WDR70: variants seen among roughly 807,000 people sequenced by gnomAD.
WDR70 encodes WD repeat domain 70.
In WDR70, 53 loss-of-function variants were observed where a neutral mutation model predicts 88.6. The observed-to-expected ratio is 0.60, with a 90% CI of 0.48 to 0.75. The LOEUF (loss-of-function observed/expected upper bound fraction) is 0.75, where lower values mean the gene tolerates loss of function less well. Ranked by LOEUF, WDR70 falls within the 30% of genes least tolerant of loss-of-function variation. The pLI is 0.00. For synonymous variants in WDR70, 280 were observed against 270.0 expected (o/e 1.04, Z -0.36); for missense variants, 610 against 823.2 (o/e 0.74, Z 3.17).
intron 9 of WDR70, among the ~76,000 whole-genome samples, chr5:37,542,523 C>T (rs370276518): frequency 7.9e-5 from 12 of 152,132 alleles, no homozygotes; most frequent in East Asian, 5.8e-4. Flanking sequence ...CCTCGTGATC[C>T]GCCCACCTCA....
intron 10 of WDR70, among the ~76,000 whole-genome samples, chr5:37,691,891 C>T (rs1362719429): frequency 6.6e-6 from 1 of 151,990 alleles, no homozygotes; most frequent in Non-Finnish European, 1.5e-5. Context: ...CACAAAAAAC[C>T]CTTCAAAAAC....
At chr5:37,675,084 G>A (rs1746159832) in intron 10 of WDR70, among the ~76,000 whole-genome samples, 1 of 151,740 alleles carries the variant, frequency 6.6e-6, no homozygotes, top group East Asian at 1.9e-4. Flanking sequence ...GCGGTTGTTT[G>A]TTTTCTTCTT....
At chr5:37,531,285 C>T (rs1026188965) in intron 9 of WDR70, among the ~76,000 whole-genome samples, 9 of 152,046 alleles carry the variant, frequency 5.9e-5, no homozygotes, top group Non-Finnish European at 1.0e-4. Flanking sequence ...GTAGAATGTT[C>T]TGTAAATATC....
At chr5:37,391,864 A>G (rs2111884988) in intron 3 of WDR70, 136 bp from the exon 4 acceptor site, 1 of 933,354 alleles carries the variant, frequency 1.1e-6, no homozygotes, top group East Asian at 2.9e-5. Flanking sequence ...GCTGTGGTTG[A>G]TAATTTTTTG....
chr5:37,421,078 A>G (rs1329326585), intron 5 of WDR70, among the ~76,000 whole-genome samples: 1 of 152,194 alleles, frequency 6.6e-6, no homozygotes, highest in Non-Finnish European at 1.5e-5. Context: ...AGGTACAGTT[A>G]TCCATCCCCT....
chr5:37,639,330 A>G (rs1386912780), intron 10 of WDR70, among the ~76,000 whole-genome samples: 1 of 152,208 alleles, frequency 6.6e-6, no homozygotes, highest in Non-Finnish European at 1.5e-5. Context: ...GTCAAAACTT[A>G]CCTCAAAGTT....
chr5:37,451,232 T>A (rs930289098), intron 7 of WDR70, among the ~76,000 whole-genome samples: 1 of 152,188 alleles, frequency 6.6e-6, no homozygotes, highest in Non-Finnish European at 1.5e-5. Context: ...AAATCTGACT[T>A]GATGCCTTGG....
intron 10 of WDR70, among the ~76,000 whole-genome samples, chr5:37,641,677 A>G (rs867646917): frequency 6.6e-6 from 1 of 151,836 alleles, no homozygotes; most frequent in Middle Eastern, 3.4e-3. Flanking sequence ...TCGGCCTCCC[A>G]AAGTGCTGGG....
chr5:37,533,026 T>C (rs1236579745), intron 9 of WDR70, among the ~76,000 whole-genome samples: 3 of 152,182 alleles, frequency 2.0e-5, no homozygotes, highest in African/African-American at 7.2e-5. Flanking sequence ...GTGATTGTTT[T>C]TGTTCTTCTG....
At chr5:37,506,964 A>T in intron 8 of WDR70, 1 of 673,178 alleles carries the variant, frequency 1.5e-6, no homozygotes, top group South Asian at 1.7e-5. Flanking sequence ...ACTTGGATTC[A>T]CCTCCCTTTG....
intron 8 of WDR70, among the ~76,000 whole-genome samples, chr5:37,490,139 A>G (rs1740023641): frequency 6.6e-6 from 1 of 152,100 alleles, no homozygotes; most frequent in Non-Finnish European, 1.5e-5. Flanking sequence ...AGGGGAATCC[A>G]TAGGCCCCTG....
chr5:37,704,581 A>G (rs890377078), intron 13 of WDR70, among the ~76,000 whole-genome samples: 6 of 152,196 alleles, frequency 3.9e-5, no homozygotes, highest in Non-Finnish European at 7.3e-5. Flanking sequence ...ACTGCCTCAT[A>G]TATTGTATAT....
chr5:37,450,763 A>G (rs867424555), intron 7 of WDR70, among the ~76,000 whole-genome samples: 3 of 152,212 alleles, frequency 2.0e-5, no homozygotes, highest in Admixed American at 6.5e-5. Flanking sequence ...GTTTTTTTAT[A>G]AAGGGCCAGG....
intron 10 of WDR70, among the ~76,000 whole-genome samples, chr5:37,679,649 G>C (rs1746359444): frequency 6.6e-6 from 1 of 152,216 alleles, no homozygotes; most frequent in Admixed American, 6.5e-5. Context: ...CTACTGGGGG[G>C]TGCCTCCCAG....
chr5:37,542,145 CAT>C (rs1246676410), intron 9 of WDR70, among the ~76,000 whole-genome samples: 1 of 152,108 alleles, frequency 6.6e-6, no homozygotes, highest in East Asian at 1.9e-4. Context: ...TGAAAAAATA[CAT>C]AGTCAACCAT....
intron 10 of WDR70, among the ~76,000 whole-genome samples, chr5:37,670,351 G>A (rs549672245): frequency 3.9e-5 from 6 of 152,148 alleles, no homozygotes; most frequent in South Asian, 2.1e-4. Context: ...CAGAGGCAGC[G>A]AGAGTGTCAG....
intron 9 of WDR70, among the ~76,000 whole-genome samples, chr5:37,570,879 C>T (rs2112403634): frequency 6.6e-6 from 1 of 152,270 alleles, no homozygotes; most frequent in East Asian, 1.9e-4. Flanking sequence ...CTCTATGAAG[C>T]CTTCCCCAGC....
chr5:37,741,461 A>C (rs957112178), intron 17 of WDR70, among the ~76,000 whole-genome samples: 4 of 152,014 alleles, frequency 2.6e-5, no homozygotes, highest in African/African-American at 9.7e-5. Context: ...CGTGGAAGAC[A>C]ATTTTTCCAT....
chr5:37,533,408 A>G (rs1043423978), intron 9 of WDR70, among the ~76,000 whole-genome samples: 1 of 152,160 alleles, frequency 6.6e-6, no homozygotes, highest in African/African-American at 2.4e-5. Context: ...CCTGACCAAC[A>G]TGGTGAATCC....
Sources: gnomAD v4.1 joint callset for allele counts (sites outside exome capture counted in the v4.1 genomes callset) on GRCh38, gnomAD v4.1.1 for gene constraint, MANE v1.5 for transcripts, NCBI Gene and HGNC (gene_info 2026-07-23, HGNC 2026-07-21) for gene names.